INPP4B: variants seen among roughly 807,000 people sequenced by gnomAD.
INPP4B encodes the protein inositol polyphosphate-4-phosphatase type II B.
INPP4B carries 55 observed loss-of-function variants against 122.5 expected under a neutral mutation model. That is an observed-to-expected ratio of 0.45 (90% confidence interval 0.36 to 0.56). INPP4B has a LOEUF of 0.56. INPP4B is among the 20% of genes least tolerant of loss of function. INPP4B has a pLI of 0.00. For synonymous variants in INPP4B, 403 were observed against 388.7 expected, an observed-to-expected ratio of 1.04 and a Z score of -0.43; for missense variants, 1,000 against 1,097.7, an observed-to-expected ratio of 0.91 and a Z score of 1.26.
intron 12 of INPP4B, among the ~76,000 whole-genome samples, chr4:142,217,541 G>T (rs879728704): frequency 6.6e-6 from 1 of 152,154 alleles, no homozygotes; most frequent in Non-Finnish European, 1.5e-5. Flanking sequence ...TTCTACCCTT[G>T]CATGATGTAG....
chr4:142,162,168 T>C (rs1037324742), intron 16 of INPP4B, among the ~76,000 whole-genome samples: 1 of 151,230 alleles, frequency 6.6e-6, no homozygotes, highest in African/African-American at 2.4e-5. Context: ...AAACAAAACA[T>C]GAAAAACATA....
chr4:142,713,849 A>G (rs1392375607), intron 2 of INPP4B, among the ~76,000 whole-genome samples: 1 of 152,208 alleles, frequency 6.6e-6, no homozygotes, highest in Non-Finnish European at 1.5e-5. Flanking sequence ...CTAATGTGTT[A>G]AAGTGTTACC....
intron 11 of INPP4B, among the ~76,000 whole-genome samples, chr4:142,255,335 A>G (rs1459009662): frequency 2.6e-5 from 4 of 152,282 alleles, no homozygotes; most frequent in Non-Finnish European, 4.4e-5. Flanking sequence ...TAATGACAGG[A>G]TCAAATTCAC....
chr4:142,599,240 AGTCT>A (rs1184559336), intron 2 of INPP4B, among the ~76,000 whole-genome samples: 1 of 152,104 alleles, frequency 6.6e-6, no homozygotes, highest in Non-Finnish European at 1.5e-5. Flanking sequence ...GCTCAGCATC[AGTCT>A]GACTGTCTGC....
chr4:142,756,453 A>G (rs575918701), intron 1 of INPP4B, among the ~76,000 whole-genome samples: 23 of 152,214 alleles, frequency 1.5e-4, no homozygotes, highest in African/African-American at 5.5e-4. Flanking sequence ...CAACTAAGCT[A>G]CAGCAATATC....
intron 1 of INPP4B, among the ~76,000 whole-genome samples, chr4:142,838,068 A>G (rs1410376721): frequency 1.3e-5 from 2 of 151,872 alleles, no homozygotes; most frequent in Non-Finnish European, 2.9e-5. Flanking sequence ...GCTGTGAACC[A>G]GAACAGAGCT....
At position 142,451,973 on chromosome 4, in the gene INPP4B, A is replaced by G. The variant is rs1814355236; in HGVS notation, c.-127+10690T>C. On this transcript the variant is annotated intron_variant, in intron 3 of 25. Transcript: ENST00000262992. ...CAACGTGCAGGTCTGATACATAGGT[A>G]TACATGTGCCATGTTGGTTTGCTGC... is the stretch of plus-strand genomic sequence containing the variant. 1.3e-5 allele frequency among the ~76,000 whole-genome samples: 2 copies of G among 152,140 alleles called. 1 individual carries two copies. The highest frequency in any genetic ancestry group is 2.9e-5 in the Non-Finnish European group (2 of 68,028).
intron 9 of INPP4B, among the ~76,000 whole-genome samples, chr4:142,296,843 G>C (rs1295151528): frequency 6.6e-6 from 1 of 152,174 alleles, no homozygotes; most frequent in East Asian, 1.9e-4. Flanking sequence ...GCTGATGTTA[G>C]AGCCTTTTGA....
At chr4:142,579,874 GGTAGGTAGA>G (rs1560824333) in intron 2 of INPP4B, among the ~76,000 whole-genome samples, 2 of 119,748 alleles carry the variant, frequency 1.7e-5, no homozygotes, top group African/African-American at 6.6e-5. Flanking sequence ...TAGATAGATA[GGTAGGTAGA>G]TAGATAGATA....
intron 2 of INPP4B, among the ~76,000 whole-genome samples, chr4:142,511,197 C>T (rs1231022744): frequency 6.6e-6 from 1 of 151,954 alleles, no homozygotes; most frequent in African/African-American, 2.4e-5. Flanking sequence ...AATTTCAAGT[C>T]AAAGAATAAA....
intron 2 of INPP4B, among the ~76,000 whole-genome samples, chr4:142,550,954 T>C (rs940067994): frequency 6.6e-6 from 1 of 152,148 alleles, no homozygotes; most frequent in African/African-American, 2.4e-5. Flanking sequence ...TTAAAGTACA[T>C]AAATCACAAG....
chr4:142,115,727 T>A (rs1231140932), intron 21 of INPP4B, among the ~76,000 whole-genome samples: 2 of 152,072 alleles, frequency 1.3e-5, no homozygotes, highest in Admixed American at 1.3e-4. Flanking sequence ...ATAAAGACCA[T>A]TGAGGCTAGG....
At chr4:142,816,514 C>T (rs188281303) in intron 1 of INPP4B, among the ~76,000 whole-genome samples, 2 of 152,058 alleles carry the variant, frequency 1.3e-5, no homozygotes, top group Admixed American at 1.3e-4. Context: ...ATCTTAACTT[C>T]CAGTCATTTC....
At chr4:142,790,472 C>T (rs1030100725) in intron 1 of INPP4B, among the ~76,000 whole-genome samples, 1 of 152,126 alleles carries the variant, frequency 6.6e-6, no homozygotes, top group Non-Finnish European at 1.5e-5. Flanking sequence ...AAATGTTCAA[C>T]ATCACTACTG....
At chr4:142,041,764 A>G (rs1243300020) in intron 25 of INPP4B, among the ~76,000 whole-genome samples, 1 of 152,174 alleles carries the variant, frequency 6.6e-6, no homozygotes, top group African/African-American at 2.4e-5. Flanking sequence ...AGGATTCAGC[A>G]CAGCATCCTT....
intron 7 of INPP4B, among the ~76,000 whole-genome samples, chr4:142,364,117 G>C (rs114501873): frequency 6.6e-6 from 1 of 152,020 alleles, no homozygotes; most frequent in East Asian, 1.9e-4. Flanking sequence ...TTGGGAATAT[G>C]AGAAAACAGC....
intron 2 of INPP4B, among the ~76,000 whole-genome samples, chr4:142,542,880 T>C (rs6816875): frequency 0.26 from 38,817 of 152,024 alleles, 6,035 homozygotes; most frequent in East Asian, 0.79. Flanking sequence ...GCCTTTTTTA[T>C]AGTGGCAACA....
intron 2 of INPP4B, among the ~76,000 whole-genome samples, chr4:142,479,182 T>C (rs373269138): frequency 9.0e-4 from 137 of 152,106 alleles, no homozygotes; most frequent in African/African-American, 3.2e-3. Flanking sequence ...TCAAAAGAAG[T>C]CATACCTGTG....
At chr4:142,365,567 G>A (rs535374354) in intron 7 of INPP4B, among the ~76,000 whole-genome samples, 1 of 152,224 alleles carries the variant, frequency 6.6e-6, no homozygotes, top group East Asian at 1.9e-4. Context: ...GTTTACACTT[G>A]ACACTACAAG....
Sources: allele counts gnomAD v4.1 joint callset (sites outside exome capture counted in the v4.1 genomes callset), GRCh38; gene constraint gnomAD v4.1.1; transcripts MANE v1.5; gene names NCBI Gene and HGNC (gene_info 2026-07-23, HGNC 2026-07-21).